PTDSS1: variants seen among roughly 807,000 people sequenced by gnomAD.
PTDSS1 encodes the protein phosphatidylserine synthase 1, also known as PSS-1.
A neutral mutation model predicts 70.5 loss-of-function variants in PTDSS1; 45 were observed. That is an observed-to-expected ratio of 0.64 (90% CI 0.50 to 0.82). PTDSS1 has a LOEUF of 0.82. PTDSS1 is among the 40% of genes least tolerant of loss of function. The probability of loss-of-function intolerance (pLI) is 0.00; values close to 1 mark genes in which losing one functional copy is unlikely to be tolerated. For synonymous variants in PTDSS1, 188 were observed against 203.8 expected, an observed-to-expected ratio of 0.92 and a Z score of 0.66; for missense variants, 417 against 586.1, an observed-to-expected ratio of 0.71 and a Z score of 2.98.
intron 2 of PTDSS1, among the ~76,000 whole-genome samples, chr8:96,278,107 C>T: frequency 6.6e-6 from 1 of 152,168 alleles, no homozygotes; most frequent in Non-Finnish European, 1.5e-5. Context: ...TAGTGGCAGG[C>T]AATGGCCAGC....
At chr8:96,319,471 G>A (rs552831775) in intron 9 of PTDSS1, among the ~76,000 whole-genome samples, 1 of 149,212 alleles carries the variant, frequency 6.7e-6, no homozygotes, top group Admixed American at 6.8e-5. Flanking sequence ...TGTTTTAAAG[G>A]GGAAATAAGT....
chr8:96,281,326 G>A (rs981347750), intron 2 of PTDSS1, among the ~76,000 whole-genome samples: 7 of 152,208 alleles, frequency 4.6e-5, no homozygotes, highest in Non-Finnish European at 8.8e-5. Context: ...GCAATGGGCA[G>A]TTATGACAAG....
intron 9 of PTDSS1, among the ~76,000 whole-genome samples, chr8:96,317,429 C>CT (rs11402791): frequency 0.91 from 138,004 of 152,096 alleles, 62,866 homozygotes; most frequent in Non-Finnish European, 0.94. Context: ...CTCAAAAGCA[C>CT]GGTCTTCAGA....
At chr8:96,274,219 C>T (rs1178233744) in intron 2 of PTDSS1, among the ~76,000 whole-genome samples, 6 of 151,936 alleles carry the variant, frequency 3.9e-5, no homozygotes, top group Middle Eastern at 3.4e-3. Context: ...ATGGGCCGGA[C>T]GTACTCGGGT....
rs776491858 is a variant in PTDSS1 at position 96,331,054 on chromosome 8, A to G, written c.1271A>G (p.Tyr424Cys). The G allele has an allele frequency of 2.5e-6, 4 of 1,613,684 alleles. No homozygotes were observed. The East Asian group carries it at 8.9e-5, about 36-fold the overall frequency. ...TACTCGGAGTGTGAAGATGGCACCTACAGTCCAGAGATCTCCTGGCATCAC... is the reference window on the plus strand; with the variant it reads ...TACTCGGAGTGTGAAGATGGCACCTGCAGTCCAGAGATCTCCTGGCATCAC... Reference protein sequence around the residue: ...KTYSECEDGTYSPEISWHHRK... With the variant: ...KTYSECEDGTCSPEISWHHRK... The change falls in exon 12 of 13, where the codon TAC (tyrosine) becomes TGC (cysteine). Residue 424 changes from tyrosine to cysteine, a missense_variant. Physicochemically the swap from Tyr to Cys is radical, Grantham distance 194. Coordinates refer to ENST00000517309, the MANE Select transcript of PTDSS1 (RefSeq NM_014754.3).
chr8:96,265,830 G>A (rs557260424), intron 1 of PTDSS1, among the ~76,000 whole-genome samples: 4 of 152,336 alleles, frequency 2.6e-5, no homozygotes, highest in Admixed American at 1.3e-4. Flanking sequence ...AATGGCTTAC[G>A]CCGGTAATCC....
Position 96,293,399 on chromosome 8 carries a change from G to C in PTDSS1, c.442-1699G>C, listed in dbSNP as rs550291636. Among the ~76,000 whole-genome samples the C allele has an allele frequency of 5.7e-4, 87 of 152,354 alleles. 2 individuals carry two copies. Among genetic ancestry groups the C allele is most frequent in the East Asian group, 5.0e-3 (26 of 5,176 alleles). On this transcript the variant is annotated intron_variant, in intron 4 of 12. Transcript: ENST00000517309. Reference sequence around the variant, plus strand: ...CAGCCTAGGACCAGTTGGGAAGTCAGCAGAATCTGTCTTTACCCATCTTTT... The same window carrying C: ...CAGCCTAGGACCAGTTGGGAAGTCACCAGAATCTGTCTTTACCCATCTTTT...
intron 10 of PTDSS1, 52 bp downstream of exon 10, chr8:96,320,397 C>A: frequency 6.9e-7 from 1 of 1,447,624 alleles, no homozygotes; most frequent in Non-Finnish European, 9.7e-7. Context: ...CATAGTATCA[C>A]TTTAAACGGA....
Position 96,336,323 on chromosome 8 carries a change from G to A in PTDSS1, c.*2757G>A, listed in dbSNP as rs549283376. The stretch of plus-strand genomic sequence containing the variant: ...TCAGAAGCCACCGTGTAGCACCCTG[G>A]AATGATGCCTCTTTATGCCAAGGCC... On this transcript the variant is annotated 3_prime_UTR_variant, in exon 13 of 13. Transcript: ENST00000517309. The A allele has an allele frequency of 2.6e-5, 4 of 152,128 alleles. No homozygotes were observed. In the South Asian group the frequency reaches 8.3e-4, roughly 32 times the overall value. The allele number at this position is 152,128 out of a possible 1,614,324, so 9.4% of individuals were successfully genotyped here.
intron 4 of PTDSS1, among the ~76,000 whole-genome samples, chr8:96,293,724 C>T (rs1158336409): frequency 2.6e-5 from 4 of 152,242 alleles, no homozygotes; most frequent in Non-Finnish European, 2.9e-5. Context: ...GTAAAGTCCT[C>T]CAGAGTTATC....
intron 10 of PTDSS1, among the ~76,000 whole-genome samples, 157 bp downstream of exon 10, chr8:96,320,502 A>T (rs1449500738): frequency 1.3e-5 from 2 of 152,208 alleles, no homozygotes; most frequent in African/African-American, 4.8e-5. Context: ...CACCAGCCTA[A>T]TTTCAAGAGT....
At chr8:96,307,865 A>G (rs1190996433) in intron 8 of PTDSS1, among the ~76,000 whole-genome samples, 1 of 152,240 alleles carries the variant, frequency 6.6e-6, no homozygotes, top group Admixed American at 6.5e-5. Flanking sequence ...ATTCCAAAAT[A>G]AAAACTAGAC....
At chr8:96,297,467 C>T (rs774939240) in intron 5 of PTDSS1, among the ~76,000 whole-genome samples, 15 of 152,130 alleles carry the variant, frequency 9.9e-5, no homozygotes, top group Non-Finnish European at 1.8e-4. Context: ...TGTGAACCAC[C>T]GTACCAGGCC....
At position 96,320,316 on chromosome 8, in the gene PTDSS1, C is replaced by T; in HGVS notation, c.1144C>T (p.Leu382Phe). 1 of 1,612,860 alleles carries T rather than the reference C, an allele frequency of 6.2e-7. No individual in the cohort carries two copies. The stretch of plus-strand genomic sequence containing the variant: ...AGATCTCTTCTCTAAGACCCAAATA[C>T]TCTATGTTGTGCTTTGGCTTCTTTG... Reference protein sequence around the residue: ...GQDLFSKTQILYVVLWLLCVA... With the variant: ...GQDLFSKTQIFYVVLWLLCVA... Residue 382 changes from leucine to phenylalanine, a missense_variant, in exon 10 of 13, where the codon CTC (leucine) becomes TTC (phenylalanine). Coordinates refer to ENST00000517309, the MANE Select transcript of PTDSS1 (RefSeq NM_014754.3).
intron 3 of PTDSS1, among the ~76,000 whole-genome samples, chr8:96,285,057 A>G (rs559717742): frequency 6.6e-6 from 1 of 152,364 alleles, no homozygotes; most frequent in African/African-American, 2.4e-5. Context: ...TAAACAAACT[A>G]TTACACAAAT....
At chr8:96,330,510 G>A (rs1053540125) in intron 11 of PTDSS1, 16 of 525,206 alleles carry the variant, frequency 3.0e-5, no homozygotes, top group Admixed American at 6.3e-5. Flanking sequence ...ACTTTTGTTA[G>A]ATAAAAAAAG....
chr8:96,282,614 T>C (rs1810755646), intron 2 of PTDSS1, among the ~76,000 whole-genome samples: 1 of 152,176 alleles, frequency 6.6e-6, no homozygotes, highest in Non-Finnish European at 1.5e-5. Context: ...CACTGATAGA[T>C]TTGAATGGTG....
At chr8:96,309,368 C>G in intron 8 of PTDSS1, 189 bp from the exon 9 acceptor site, 2 of 498,140 alleles carry the variant, frequency 4.0e-6, no homozygotes, top group South Asian at 3.7e-5. Context: ...CCAGCCTAAC[C>G]CAAACGCTGA....
rs751870672 is a variant in PTDSS1 at position 96,262,240 on chromosome 8, G to A, written c.179+21G>A. 6.2e-7 allele frequency: 1 copy of A among 1,604,442 alleles called. No individual in the cohort carries two copies. Among genetic ancestry groups the A allele is most frequent in the Non-Finnish European group, 8.5e-7 (1 of 1,174,266 alleles). ...ACCAGGTGGGGCGGCCCAGCCGAGC[G>A]GGGGGCGCGTCCAAGGGCTAGGGAA... is the stretch of plus-strand genomic sequence containing the variant. On this transcript the variant is annotated intron_variant, in intron 1 of 12. Coordinates refer to ENST00000517309, the MANE Select transcript of PTDSS1 (RefSeq NM_014754.3). This position sits in a 1 kb window ranked among gnomAD's most constrained non-coding sequence, Gnocchi z 4.4.
Sources: gnomAD v4.1 joint callset for allele counts (sites outside exome capture counted in the v4.1 genomes callset) on GRCh38, gnomAD v4.1.1 for gene constraint, Gnocchi (gnomAD v3.1) non-coding constraint, MANE v1.5 for transcripts, NCBI Gene and HGNC (gene_info 2026-07-23, HGNC 2026-07-21) for gene names.